Variants in ABTB3 observed in about 807,000 individuals in gnomAD.
ABTB3 encodes ankyrin repeat and BTB domain containing 3.
chr12:107,416,529 A>G, the ABTB3 span, among the ~76,000 whole-genome samples: 1 of 147,668 alleles, frequency 6.8e-6, no homozygotes, highest in Non-Finnish European at 1.5e-5. Flanking sequence ...TTTGTTAAGA[A>G]CCCCCATCAC....
At chr12:107,591,624 C>G in the ABTB3 span, among the ~76,000 whole-genome samples, 1 of 152,196 alleles carries the variant, frequency 6.6e-6, no homozygotes, top group Non-Finnish European at 1.5e-5. Flanking sequence ...GACACATATC[C>G]AGACCACATC....
the ABTB3 span, among the ~76,000 whole-genome samples, chr12:107,440,075 G>T: frequency 2.7e-3 from 418 of 152,236 alleles, 2 homozygotes; most frequent in African/African-American, 9.5e-3. Flanking sequence ...TCATTACCTG[G>T]GAACACCTCC....
At chr12:107,573,504 G>GGATA in the ABTB3 span, among the ~76,000 whole-genome samples, 1 of 151,692 alleles carries the variant, frequency 6.6e-6, no homozygotes, top group Non-Finnish European at 1.5e-5. Flanking sequence ...ATGGATGGAT[G>GGATA]GATGGATAGA....
At chr12:107,644,931 G>C in the ABTB3 span, among the ~76,000 whole-genome samples, 31,887 of 150,312 alleles carry the variant, frequency 0.21, 3,636 homozygotes, top group Middle Eastern at 0.3. Context: ...CTTTATGGCT[G>C]CATAGTATTC....
At chr12:107,619,624 G>A in the ABTB3 span, among the ~76,000 whole-genome samples, 1 of 152,176 alleles carries the variant, frequency 6.6e-6, no homozygotes, top group Non-Finnish European at 1.5e-5. Context: ...TGGAGCCTAT[G>A]CACTCAGAAT....
the ABTB3 span, among the ~76,000 whole-genome samples, chr12:107,351,167 G>A: frequency 6.6e-6 from 1 of 152,214 alleles, no homozygotes; most frequent in African/African-American, 2.4e-5. Context: ...ACTCTGCCAA[G>A]GGGCTTTTCA....
chr12:107,496,507 A>G, the ABTB3 span, among the ~76,000 whole-genome samples: 1 of 152,152 alleles, frequency 6.6e-6, no homozygotes. Flanking sequence ...TGGTAGCATA[A>G]ATGGAGGCAG....
At chr12:107,319,617 C>A in the ABTB3 span, 1 of 1,536,508 alleles carries the variant, frequency 6.5e-7, no homozygotes, top group Non-Finnish European at 8.7e-7. Flanking sequence ...AGCCGCGTGG[C>A]GCTGCGCATC....
At chr12:107,320,508 C>T in the ABTB3 span, 25 of 448,368 alleles carry the variant, frequency 5.6e-5, no homozygotes, top group Non-Finnish European at 9.8e-5. Flanking sequence ...GCGCGTTCCG[C>T]TCTCCGCAAT....
At chr12:107,567,449 T>A in the ABTB3 span, among the ~76,000 whole-genome samples, 2 of 152,230 alleles carry the variant, frequency 1.3e-5, no homozygotes, top group African/African-American at 4.8e-5. Flanking sequence ...TTTCCACATT[T>A]AAATATGTTT....
At chr12:107,551,244 A>T in the ABTB3 span, among the ~76,000 whole-genome samples, 1 of 152,196 alleles carries the variant, frequency 6.6e-6, no homozygotes, top group Non-Finnish European at 1.5e-5. Flanking sequence ...GAGTTGCTGG[A>T]TGAATGGGGA....
At chr12:107,425,678 A>G in the ABTB3 span, among the ~76,000 whole-genome samples, 3 of 152,224 alleles carry the variant, frequency 2.0e-5, no homozygotes, top group Admixed American at 6.5e-5. Flanking sequence ...CATGCCTACC[A>G]TATTTCATTC....
the ABTB3 span, among the ~76,000 whole-genome samples, chr12:107,408,018 A>C: frequency 1.6e-4 from 25 of 152,070 alleles, no homozygotes; most frequent in Non-Finnish European, 3.7e-4. Flanking sequence ...CGTTGCAACG[A>C]AATAAATAAA....
the ABTB3 span, among the ~76,000 whole-genome samples, chr12:107,646,372 G>C: frequency 6.6e-6 from 1 of 152,232 alleles, no homozygotes; most frequent in East Asian, 1.9e-4. Context: ...TGGAATATAG[G>C]AGACCACGTG....
chr12:107,492,236 G>A, the ABTB3 span, among the ~76,000 whole-genome samples: 9 of 152,168 alleles, frequency 5.9e-5, no homozygotes, highest in South Asian at 2.1e-4. Context: ...ACCCGGTCCC[G>A]GGCCTGTCAG....
At chr12:107,370,863 C>T in the ABTB3 span, among the ~76,000 whole-genome samples, 1 of 141,252 alleles carries the variant, frequency 7.1e-6, no homozygotes, top group African/African-American at 2.7e-5. Flanking sequence ...GAAGGGCTGT[C>T]AGGGTAGGCA....
chr12:107,451,423 G>A, the ABTB3 span, among the ~76,000 whole-genome samples: 1 of 152,232 alleles, frequency 6.6e-6, no homozygotes, highest in African/African-American at 2.4e-5. Context: ...AGAGGTGCAT[G>A]TAATGGATGG....
the ABTB3 span, chr12:107,319,676 C>G: frequency 6.5e-6 from 10 of 1,536,272 alleles, no homozygotes; most frequent in Non-Finnish European, 8.7e-6. Flanking sequence ...GAGCCTCTTC[C>G]GGGACATCTA....
chr12:107,415,948 T>C, the ABTB3 span, among the ~76,000 whole-genome samples: 1 of 152,166 alleles, frequency 6.6e-6, no homozygotes, highest in South Asian at 2.1e-4. Flanking sequence ...TCTGTTATGA[T>C]GTCAGATGAC....
Sources: gnomAD v4.1 joint callset for allele counts (sites outside exome capture counted in the v4.1 genomes callset) on GRCh38, gnomAD v4.1.1 for gene constraint, MANE v1.5 for transcripts, NCBI Gene and HGNC (gene_info 2026-07-23, HGNC 2026-07-21) for gene names.